CMTM3: variants seen among roughly 807,000 people sequenced by gnomAD.
CMTM3 encodes CKLF like MARVEL transmembrane domain containing 3.
In CMTM3, 7 loss-of-function variants were observed where a neutral mutation model predicts 18.2. The ratio of observed to expected loss-of-function variants is 0.38; its 90% CI spans 0.22 to 0.72. CMTM3 has a LOEUF of 0.72. CMTM3 is among the 30% of genes least tolerant of loss of function. CMTM3 has a pLI of 0.46. For synonymous variants in CMTM3, 109 were observed against 111.2 expected, an observed-to-expected ratio of 0.98 and a Z score of 0.12; for missense variants, 227 against 249.2, an observed-to-expected ratio of 0.91 and a Z score of 0.60.
chr16:66,609,974 C>T lies in CMTM3; in HGVS notation c.491C>T (p.Ala164Val). The stretch of plus-strand genomic sequence containing the variant: ...AAATTCCTCAAACAAGGGGACTCTG[C>T]AGATGAGACCACAGCCCACAAGACA... ...VAKFLKQGDS[A>V]DETTAHKTEE... Residue 164 changes from alanine to valine, a missense_variant, in exon 4 of 5, where the codon GCA (alanine) becomes GTA (valine). By Grantham distance (64) the Ala-to-Val change is moderately conservative. Coordinates refer to ENST00000567572, the MANE Select transcript of CMTM3 (RefSeq NM_181553.4). This position sits in a 1 kb window ranked among gnomAD's most constrained non-coding sequence, Gnocchi z 4.4. 6.2e-7 allele frequency: 1 copy of T among 1,614,204 alleles called. No individual in the cohort carries two copies. Among genetic ancestry groups the T allele is most frequent in the African/African-American group, 1.3e-5 (1 of 75,054 alleles).
Position 66,612,758 on chromosome 16 carries a change from A to C in CMTM3, c.*121A>C. On this transcript the variant is annotated 3_prime_UTR_variant, in exon 5 of 5. Coordinates refer to ENST00000567572, the MANE Select transcript of CMTM3 (RefSeq NM_181553.4). This position sits in a 1 kb window ranked among gnomAD's most constrained non-coding sequence, Gnocchi z 6.0. The stretch of plus-strand genomic sequence containing the variant: ...GAGTTGCAGAGGGGGCTGCGGACAC[A>C]GCAGGCCCCCTACAGCCTCAGGTTC... 5 of 954,524 alleles carry C rather than the reference A, an allele frequency of 5.2e-6. No individual in the cohort carries two copies. The highest frequency in any genetic ancestry group is 1.6e-5 in the African/African-American group (1 of 61,128). The allele number at this position is 954,524 out of a possible 1,614,324, so 59.1% of individuals were successfully genotyped here. A position where few individuals can be genotyped will look rare whatever the true frequency, so the allele number is the denominator to read the frequency against.
chr16:66,607,228 G>C (rs545732192), intron 1 of CMTM3, among the ~76,000 whole-genome samples: 1 of 152,358 alleles, frequency 6.6e-6, no homozygotes, highest in East Asian at 1.9e-4. Context: ...CTGGGCTGCA[G>C]GACTGCCCAG....
rs1387208722 is a variant in CMTM3 at position 66,611,147 on chromosome 16, TTA to T, written c.520+1148_520+1149del. The T allele has an allele frequency of 2.1e-4, 71 of 338,504 alleles. No individual in the cohort carries two copies. The East Asian group carries it at 3.1e-3, about 15-fold the overall frequency. 21.0% of individuals were successfully genotyped at this position (338,504 alleles called of 1,614,324 possible). On this transcript the variant is annotated intron_variant, in intron 4 of 4. Coordinates refer to ENST00000567572, the MANE Select transcript of CMTM3 (RefSeq NM_181553.4). ...ATTTTGCTGTAAAATTATTCTTGACTTATATGTTAGAATTGAATATAGCAGCC... is the reference window on the plus strand; with the variant it reads ...ATTTTGCTGTAAAATTATTCTTGACTTATGTTAGAATTGAATATAGCAGCC...
chr16:66,607,716 T>C (rs927782817), intron 1 of CMTM3, among the ~76,000 whole-genome samples: 6 of 152,290 alleles, frequency 3.9e-5, no homozygotes, highest in Non-Finnish European at 7.4e-5. Context: ...GTGCATGTGC[T>C]TGGAAGGCTG....
At position 66,605,176 on chromosome 16, in the gene CMTM3, C is replaced by A; in HGVS notation, c.147+224C>A. On this transcript the variant is annotated intron_variant, in intron 1 of 4. Transcript: ENST00000567572. This position sits in a 1 kb window ranked among gnomAD's most constrained non-coding sequence, Gnocchi z 4.6. Reference sequence around the variant, plus strand: ...GAGCCCAGGCCATCCGCGGCGCTGTCCCCGCGAGTCCAGAGCTGGGGGCCG... The same window carrying A: ...GAGCCCAGGCCATCCGCGGCGCTGTACCCGCGAGTCCAGAGCTGGGGGCCG... The A allele has an allele frequency of 2.4e-6, 1 of 421,560 alleles. No homozygotes were observed. Among genetic ancestry groups the A allele is most frequent in the South Asian group, 4.2e-5 (1 of 23,552 alleles). The allele number at this position is 421,560 out of a possible 1,614,324, so 26.1% of individuals were successfully genotyped here. A position where few individuals can be genotyped will look rare whatever the true frequency, so the allele number is the denominator to read the frequency against.
At position 66,607,525 on chromosome 16, in the gene CMTM3, C is replaced by A. The variant is rs563362526; in HGVS notation, c.148-784C>A. Among the ~76,000 whole-genome samples the A allele has an allele frequency of 2.0e-5, 3 of 152,246 alleles. No homozygotes were observed. In the South Asian group the frequency reaches 6.2e-4, roughly 32 times the overall value. ...TTATCTTTTAACACAAAATAAATTG[C>A]AGACATCAGGACATTTCAACTCTGA... On this transcript the variant is annotated intron_variant, in intron 1 of 4. Coordinates refer to ENST00000567572, the MANE Select transcript of CMTM3 (RefSeq NM_181553.4).
chr16:66,604,695 G>C, upstream of CMTM3: 1 of 859,004 alleles, frequency 1.2e-6, no homozygotes, highest in East Asian at 3.8e-5. Context: ...ATGCGCCCCT[G>C]CGCGAGCCAG....
chr16:66,606,292 A>G (rs1454875979), intron 1 of CMTM3, among the ~76,000 whole-genome samples: 2 of 152,140 alleles, frequency 1.3e-5, no homozygotes, highest in Non-Finnish European at 2.9e-5. Context: ...GCGGGATGAA[A>G]AAACAGGAAT....
intron 4 of CMTM3, among the ~76,000 whole-genome samples, chr16:66,611,463 G>T (rs973148023): frequency 1.3e-5 from 2 of 151,936 alleles, no homozygotes; most frequent in East Asian, 3.9e-4. Context: ...GGAAAAAATT[G>T]AATATAGCAA....
In CMTM3 at chr16:66,610,955, C is replaced by T. The variant is rs1416449334; in HGVS notation, c.520+952C>T. 3 of 398,436 alleles carry T rather than the reference C, an allele frequency of 7.5e-6. No individual in the cohort carries two copies. The highest frequency in any genetic ancestry group is 6.2e-5 in the African/African-American group (3 of 48,640). 24.7% of individuals were successfully genotyped at this position (398,436 alleles called of 1,614,324 possible). On this transcript the variant is annotated intron_variant, in intron 4 of 4. Coordinates refer to ENST00000567572, the MANE Select transcript of CMTM3 (RefSeq NM_181553.4). This position sits in a 1 kb window ranked among gnomAD's most constrained non-coding sequence, Gnocchi z 4.6. ...TCCCTTGGCAAATATTAGGTTAGAG[C>T]TCCCAGGCGGTTTCCTCAGGCTCTG...
rs147340859 is a variant in CMTM3 at position 66,608,006 on chromosome 16, C to T, written c.148-303C>T. On this transcript the variant is annotated intron_variant, in intron 1 of 4. Coordinates refer to ENST00000567572, the MANE Select transcript of CMTM3 (RefSeq NM_181553.4). The surrounding 1 kb of genome is among the most constrained non-coding windows in gnomAD (Gnocchi z 5.1). Reference sequence around the variant, plus strand: ...GATTTCAGGCACACACCACCATGCCCGGCTAATTTTTGTATATTTTGCCGA... The same window carrying T: ...GATTTCAGGCACACACCACCATGCCTGGCTAATTTTTGTATATTTTGCCGA... Among the ~76,000 whole-genome samples the T allele has an allele frequency of 7.2e-5, 11 of 152,172 alleles. No individual in the cohort carries two copies. The highest frequency in any genetic ancestry group is 1.9e-4 in the East Asian group (1 of 5,178).
Position 66,605,076 on chromosome 16 carries a change from C to T in CMTM3, c.147+124C>T, listed in dbSNP as rs538307847. ...GCTCCGATACCCCCTCTCCGCGCCGCCTCGGCCGACTTCTCTCGGGCGCCT... is the reference window on the plus strand; with the variant it reads ...GCTCCGATACCCCCTCTCCGCGCCGTCTCGGCCGACTTCTCTCGGGCGCCT... On this transcript the variant is annotated intron_variant, in intron 1 of 4. Coordinates refer to ENST00000567572, the MANE Select transcript of CMTM3 (RefSeq NM_181553.4). The surrounding 1 kb of genome is among the most constrained non-coding windows in gnomAD (Gnocchi z 4.6). 2.6e-5 allele frequency: 24 copies of T among 907,388 alleles called. No individual in the cohort carries two copies. Among genetic ancestry groups the T allele is most frequent in the Admixed American group, 8.8e-5 (2 of 22,774 alleles). 56.2% of individuals were successfully genotyped at this position (907,388 alleles called of 1,614,324 possible).
Position 66,608,181 on chromosome 16 carries a change from C to G in CMTM3, c.148-128C>G. ...ATCTGGCTCTGCCACTTCCCAGCTG[C>G]GGGACTGTGAGCAGTTGGCTTCCCC... On this transcript the variant is annotated intron_variant, in intron 1 of 4. Transcript: ENST00000567572. The surrounding 1 kb of genome is among the most constrained non-coding windows in gnomAD (Gnocchi z 5.1). 1 of 964,168 alleles carries G rather than the reference C, an allele frequency of 1.0e-6. No individual in the cohort carries two copies. Among genetic ancestry groups the G allele is most frequent in the Middle Eastern group, 2.3e-4 (1 of 4,406 alleles). The allele number at this position is 964,168 out of a possible 1,614,324, so 59.7% of individuals were successfully genotyped here.
intron 1 of CMTM3, among the ~76,000 whole-genome samples, chr16:66,607,099 G>A (rs939521507): frequency 6.6e-6 from 1 of 152,206 alleles, no homozygotes; most frequent in Non-Finnish European, 1.5e-5. Flanking sequence ...TCTGTCAAGT[G>A]GGGCTGTGCT....
In CMTM3 at chr16:66,612,889, A is replaced by T; in HGVS notation, c.*252A>T. On this transcript the variant is annotated 3_prime_UTR_variant, in exon 5 of 5. Transcript: ENST00000567572. This position sits in a 1 kb window ranked among gnomAD's most constrained non-coding sequence, Gnocchi z 6.0. The stretch of plus-strand genomic sequence containing the variant: ...CACTCCTTCTCCCCATTTCTGTCCC[A>T]CAGGCCTTCAGCCCTTTAACGTCTC... 1 of 614,544 alleles carries T rather than the reference A, an allele frequency of 1.6e-6. No individual in the cohort carries two copies. The highest frequency in any genetic ancestry group is 2.9e-6 in the Non-Finnish European group (1 of 343,298). 38.1% of individuals were successfully genotyped at this position (614,544 alleles called of 1,614,324 possible). A position where few individuals can be genotyped will look rare whatever the true frequency, so the allele number is the denominator to read the frequency against.
chr16:66,608,599 G>C lies in CMTM3; in HGVS notation c.303+135G>C. The C allele has an allele frequency of 2.4e-6, 2 of 825,082 alleles. No individual in the cohort carries two copies. Among genetic ancestry groups the C allele is most frequent in the Non-Finnish European group, 3.7e-6 (2 of 533,710 alleles). The allele number at this position is 825,082 out of a possible 1,614,324, so 51.1% of individuals were successfully genotyped here. A position where few individuals can be genotyped will look rare whatever the true frequency, so the allele number is the denominator to read the frequency against. Reference sequence around the variant, plus strand: ...GCAGTTGGTTAGAACTGGATGGAGAGACCCAGCTTCAGATCATCCCAGCTC... The same window carrying C: ...GCAGTTGGTTAGAACTGGATGGAGACACCCAGCTTCAGATCATCCCAGCTC... On this transcript the variant is annotated intron_variant, in intron 2 of 4. Coordinates refer to ENST00000567572, the MANE Select transcript of CMTM3 (RefSeq NM_181553.4). This position sits in a 1 kb window ranked among gnomAD's most constrained non-coding sequence, Gnocchi z 5.1.
intron 1 of CMTM3, among the ~76,000 whole-genome samples, chr16:66,607,619 C>G (rs138767475): frequency 6.6e-6 from 1 of 152,296 alleles, no homozygotes; most frequent in African/African-American, 2.4e-5. Flanking sequence ...CATTCAGTGA[C>G]GAGCACACGT....
At chr16:66,607,072 G>C (rs892297579) in intron 1 of CMTM3, among the ~76,000 whole-genome samples, 4 of 152,238 alleles carry the variant, frequency 2.6e-5, no homozygotes, top group African/African-American at 9.6e-5. Context: ...GATTAGCCAT[G>C]TGACAGAGTC....
In CMTM3 at chr16:66,609,352, G is replaced by A. The variant is rs1014066228; in HGVS notation, c.304-83G>A. On this transcript the variant is annotated intron_variant, in intron 2 of 4. Transcript: ENST00000567572. This position sits in a 1 kb window ranked among gnomAD's most constrained non-coding sequence, Gnocchi z 4.4. ...CCCTCAGGTGCTAGGCCTGGGGCTG[G>A]GAACACGACCAGGCTGCCAGGCCTC... The A allele has an allele frequency of 1.6e-6, 2 of 1,245,410 alleles. No individual in the cohort carries two copies. The highest frequency in any genetic ancestry group is 2.9e-5 in the African/African-American group (2 of 68,040). The allele number at this position is 1,245,410 out of a possible 1,614,324, so 77.1% of individuals were successfully genotyped here.
Sources: allele counts gnomAD v4.1 joint callset (sites outside exome capture counted in the v4.1 genomes callset), GRCh38; gene constraint gnomAD v4.1.1; non-coding constraint Gnocchi (gnomAD v3.1); transcripts MANE v1.5; gene names NCBI Gene and HGNC (gene_info 2026-07-23, HGNC 2026-07-21).